RSBN1L: variants seen among roughly 807,000 people sequenced by gnomAD.
RSBN1L encodes round spermatid basic protein 1 like, also known as lysine-specific demethylase RSBN1L.
In RSBN1L, 30 loss-of-function variants were observed where a neutral mutation model predicts 67.7. The ratio of observed to expected loss-of-function variants is 0.44; its 90% CI spans 0.33 to 0.60. The LOEUF is 0.60. Ranked by LOEUF, RSBN1L falls within the 20% of genes least tolerant of loss-of-function variation. The probability of loss-of-function intolerance (pLI) is 0.02; values close to 1 mark genes in which losing one functional copy is unlikely to be tolerated. For missense variants in RSBN1L, 992 were observed against 1,031.7 expected (o/e 0.96, Z 0.53); for synonymous variants, 433 against 387.0 (o/e 1.12, Z -1.39).
intron 3 of RSBN1L, among the ~76,000 whole-genome samples, chr7:77,763,666 A>G (rs1345460305): frequency 1.3e-5 from 2 of 152,196 alleles, no homozygotes; most frequent in African/African-American, 4.8e-5. Flanking sequence ...TGAGCATACA[A>G]TGGGGGCATA....
intron 2 of RSBN1L, among the ~76,000 whole-genome samples, chr7:77,746,708 T>C (rs1400113773): frequency 6.6e-6 from 1 of 152,096 alleles, no homozygotes; most frequent in Non-Finnish European, 1.5e-5. Context: ...GCGTATAAAA[T>C]ATAAAACAAG....
At chr7:77,744,317 T>G (rs1291505707) in intron 2 of RSBN1L, among the ~76,000 whole-genome samples, 1 of 152,164 alleles carries the variant, frequency 6.6e-6, no homozygotes, top group Non-Finnish European at 1.5e-5. Context: ...ATTACAGGTG[T>G]GAGCCACCAT....
chr7:77,699,330 G>C lies in RSBN1L; in HGVS notation c.586+2275G>C, dbSNP rs377010736. 4.6e-5 allele frequency among the ~76,000 whole-genome samples: 7 copies of C among 150,820 alleles called. No homozygotes were observed. In the East Asian group the frequency reaches 9.6e-4, roughly 21 times the overall value. On this transcript the variant is annotated intron_variant, in intron 1 of 7. Transcript: ENST00000334955. ...AAAACTGAACCACACACACTCGAAA[G>C]ACCTAGCCTGCACCCCAATTTGATT...
chr7:77,721,784 T>C (rs1388052385), intron 1 of RSBN1L, among the ~76,000 whole-genome samples: 1 of 152,238 alleles, frequency 6.6e-6, no homozygotes, highest in Admixed American at 6.5e-5. Context: ...GGGAGTTTTC[T>C]GTTTTTAGAT....
chr7:77,773,404 G>GA, intron 6 of RSBN1L, 90 bp downstream of exon 6: 1 of 931,266 alleles, frequency 1.1e-6, no homozygotes. Context: ...CTTACTGTGG[G>GA]AAAAAAGTTT....
rs928146126 is a variant in RSBN1L at position 77,779,854 on chromosome 7, G to C, written c.*686G>C. On this transcript the variant is annotated 3_prime_UTR_variant, in exon 8 of 8. Transcript: ENST00000334955. The stretch of plus-strand genomic sequence containing the variant: ...TTCTTTTTTTCTTTTTTTTGATACG[G>C]AGTTTCATTCTGTCACCAGGCTGGA... 6.7e-6 allele frequency: 1 copy of C among 148,344 alleles called. No individual in the cohort carries two copies. The highest frequency in any genetic ancestry group is 1.5e-5 in the Non-Finnish European group (1 of 67,408). 9.2% of individuals were successfully genotyped at this position (148,344 alleles called of 1,614,324 possible). A position where few individuals can be genotyped will look rare whatever the true frequency, so the allele number is the denominator to read the frequency against.
At chr7:77,766,311 A>G (rs1318260694) in intron 4 of RSBN1L, among the ~76,000 whole-genome samples, 3 of 152,202 alleles carry the variant, frequency 2.0e-5, no homozygotes, top group African/African-American at 7.2e-5. Flanking sequence ...CAGCCTCCCA[A>G]GTACCTCGGA....
chr7:77,709,446 C>T (rs1379393629), intron 1 of RSBN1L, among the ~76,000 whole-genome samples: 4 of 151,930 alleles, frequency 2.6e-5, no homozygotes, highest in Non-Finnish European at 4.4e-5. Context: ...CCCACCACTA[C>T]GCCTGGCTAA....
chr7:77,768,329 T>C (rs1239495981), intron 4 of RSBN1L: 2 of 177,698 alleles, frequency 1.1e-5, no homozygotes, highest in African/African-American at 4.7e-5. Flanking sequence ...TATAGATTCT[T>C]ATGAGAGCAC....
chr7:77,713,101 C>T (rs1310338783), intron 1 of RSBN1L, among the ~76,000 whole-genome samples: 1 of 152,052 alleles, frequency 6.6e-6, no homozygotes, highest in Non-Finnish European at 1.5e-5. Flanking sequence ...AACATTTTTT[C>T]ACATTTCACT....
intron 1 of RSBN1L, among the ~76,000 whole-genome samples, chr7:77,723,229 G>A (rs913459060): frequency 6.6e-6 from 1 of 151,950 alleles, no homozygotes; most frequent in Non-Finnish European, 1.5e-5. Flanking sequence ...GCCTCCCAAA[G>A]TGCTGGGATT....
At chr7:77,768,575 TTGTC>T (rs1791805033) in intron 4 of RSBN1L, 82 bp from the exon 5 acceptor site, 1 of 1,150,630 alleles carries the variant, frequency 8.7e-7, no homozygotes, top group Admixed American at 2.1e-5. Context: ...GAAAGTGTGT[TTGTC>T]AGGGGAACAA....
chr7:77,741,607 G>C (rs1265385284), intron 2 of RSBN1L, among the ~76,000 whole-genome samples: 1 of 151,382 alleles, frequency 6.6e-6, no homozygotes, highest in African/African-American at 2.4e-5. Context: ...CAGGAGAATG[G>C]TGTGAACCCG....
Position 77,697,005 on chromosome 7 carries a change from C to T in RSBN1L, c.536C>T (p.Ala179Val), listed in dbSNP as rs1163326184. 2.0e-6 allele frequency: 3 copies of T among 1,530,572 alleles called. No homozygotes were observed. Among genetic ancestry groups the T allele is most frequent in the Non-Finnish European group, 2.6e-6 (3 of 1,144,890 alleles). 94.8% of individuals were successfully genotyped at this position (1,530,572 alleles called of 1,614,324 possible). ...RRHGLGGAREAGGASREENGE... is the reference protein window; with the variant it reads ...RRHGLGGAREVGGASREENGE... ...CACGGTCTCGGTGGGGCCCGAGAGGCCGGCGGGGCCTCCCGGGAGGAGAAC... is the reference window on the plus strand; with the variant it reads ...CACGGTCTCGGTGGGGCCCGAGAGGTCGGCGGGGCCTCCCGGGAGGAGAAC... Residue 179 changes from alanine to valine, a missense_variant, in exon 1 of 8, where the codon GCC (alanine) becomes GTC (valine). Ala to Val is a moderately conservative substitution (Grantham distance 64, BLOSUM62 0). This residue lies in a region of RSBN1L where 575 missense variants were observed against 483.2 expected (regional missense o/e 1.19). Transcript: ENST00000334955.
intron 1 of RSBN1L, among the ~76,000 whole-genome samples, chr7:77,709,184 GTGTGTGTGTGTGTA>G (rs1194006116): frequency 4.6e-4 from 62 of 134,100 alleles, no homozygotes; most frequent in African/African-American, 1.6e-3. Flanking sequence ...GTGTGTGTGT[GTGTGTGTGTGTGTA>G]TGTATGTGTA....
At chr7:77,765,711 T>G in intron 4 of RSBN1L, 79 bp downstream of exon 4, 1 of 1,057,358 alleles carries the variant, frequency 9.5e-7, no homozygotes, top group East Asian at 2.5e-5. Flanking sequence ...ATCTAAATTG[T>G]GATTGTTTCT....
chr7:77,764,281 A>G (rs1791734213), intron 3 of RSBN1L, among the ~76,000 whole-genome samples: 1 of 152,238 alleles, frequency 6.6e-6, no homozygotes, highest in African/African-American at 2.4e-5. Context: ...TTGGTTATCA[A>G]AACGAGTTGT....
chr7:77,775,298 G>A (rs1489555348), intron 6 of RSBN1L, among the ~76,000 whole-genome samples: 1 of 152,092 alleles, frequency 6.6e-6, no homozygotes, highest in Admixed American at 6.6e-5. Context: ...ACTTTTGGAG[G>A]CCGAGGTGGG....
intron 1 of RSBN1L, among the ~76,000 whole-genome samples, chr7:77,713,232 A>C (rs1003570543): frequency 3.9e-5 from 6 of 152,014 alleles, no homozygotes; most frequent in Non-Finnish European, 8.8e-5. Flanking sequence ...TTTTCTCTCT[A>C]AACTATCATT....
Sources: allele counts gnomAD v4.1 joint callset (sites outside exome capture counted in the v4.1 genomes callset), GRCh38; gene constraint gnomAD v4.1.1; regional missense constraint gnomAD v4.1.1; transcripts MANE v1.5; gene names NCBI Gene and HGNC (gene_info 2026-07-23, HGNC 2026-07-21).